CDHR4: variants seen among roughly 807,000 people sequenced by gnomAD.
CDHR4 encodes cadherin-related family member 4.
In CDHR4, 89 loss-of-function variants were observed where a neutral mutation model predicts 88.4. The observed-to-expected ratio is 1.01, with a 90% CI of 0.85 to 1.20. The LOEUF (loss-of-function observed/expected upper bound fraction) is 1.20, where lower values mean the gene tolerates loss of function less well. CDHR4 is among the 50% of genes most tolerant of loss of function. The pLI is 0.00. For synonymous variants in CDHR4, 368 were observed against 399.2 expected (o/e 0.92, Z 0.93); for missense variants, 914 against 1,007.2 (o/e 0.91, Z 1.25).
intron 4 of CDHR4, chr3:49,798,532 G>A (rs2081307149): frequency 2.3e-6 from 1 of 427,342 alleles, no homozygotes; most frequent in Non-Finnish European, 4.1e-6. Context: ...AGCTTGCAGT[G>A]AGCCGAGATC....
chr3:49,798,011 G>A (rs1232390993), intron 4 of CDHR4, among the ~76,000 whole-genome samples: 1 of 149,054 alleles, frequency 6.7e-6, no homozygotes, highest in Non-Finnish European at 1.5e-5. Flanking sequence ...GGGTTCAAGC[G>A]ATGCTCCTGC....
In CDHR4 at chr3:49,791,720, C is replaced by T. The variant is rs1236274640; in HGVS notation, c.2277G>A (p.Met759Ile). The T allele has an allele frequency of 9.0e-6, 14 of 1,551,544 alleles. No homozygotes were observed. Among genetic ancestry groups the T allele is most frequent in the Admixed American group, 2.0e-5 (1 of 50,988 alleles). Residue 759 changes from methionine (M) to isoleucine (I), a missense_variant, in exon 17 of 19, where the codon ATG (methionine) becomes ATA (isoleucine). Transcript: ENST00000412678. The stretch of plus-strand genomic sequence containing the variant: ...AGATGGTGAGCTGACATACCAGACT[C>T]ATGACACTGCTGGGTGCCTGGGACA... ...MEMSQAPSSV[M>I]SLHFDGRAQD...
rs930292773 is a variant in CDHR4 at position 49,795,052 on chromosome 3, G to A, written c.1080C>T (p.Leu360=). 42 of 1,551,604 alleles carry A rather than the reference G, an allele frequency of 2.7e-5. No individual in the cohort carries two copies. Among genetic ancestry groups the A allele is most frequent in the Non-Finnish European group, 3.6e-5 (41 of 1,146,998 alleles). The part of the protein sequence containing the change: ...TAPVGTVLNT[L]TCEDPDSVGA... The stretch of plus-strand genomic sequence containing the variant: ...CAACAGAGTCCGGATCTTCGCAAGT[G>A]AGAGTATTCAGCACGGTGCCCACGG... The change falls in exon 9 of 19, where the codon CTC becomes CTT. Residue 360 remains leucine (L), a synonymous_variant. Coordinates refer to ENST00000412678, the MANE Select transcript of CDHR4 (RefSeq NM_001007540.4). The surrounding 1 kb of genome is among the most constrained non-coding windows in gnomAD (Gnocchi z 5.4).
chr3:49,799,930 TC>T, upstream of CDHR4: 1 of 969,008 alleles, frequency 1.0e-6, no homozygotes, highest in Non-Finnish European at 1.6e-6. Context: ...CTCCTGGGCC[TC>T]CCAGATTCTA....
chr3:49,793,977 G>C lies in CDHR4; in HGVS notation c.1309C>G (p.Pro437Ala). ...CAGGCTGGGGAGAACTCGTTGATGG[G>C]TGTCACCATCACCAGTACCGGCACC... ...TEVPVLVMVT[P>A]INEFSPACAP... Residue 437 changes from proline (P) to alanine (A), a missense_variant, in exon 11 of 19, where the codon CCC (proline) becomes GCC (alanine). Coordinates refer to ENST00000412678, the MANE Select transcript of CDHR4 (RefSeq NM_001007540.4). The C allele has an allele frequency of 1.3e-6, 2 of 1,551,680 alleles. No individual in the cohort carries two copies. The highest frequency in any genetic ancestry group is 1.7e-6 in the Non-Finnish European group (2 of 1,146,998).
At chr3:49,802,225 G>A (rs1030945650), upstream of CDHR4, among the ~76,000 whole-genome samples, 3 of 151,498 alleles carry the variant, frequency 2.0e-5, no homozygotes, top group African/African-American at 4.9e-5. Flanking sequence ...CCAGGCTGGA[G>A]TGCAGTGGCG....
chr3:49,792,338 C>T (rs1575341212), intron 15 of CDHR4, 130 bp downstream of exon 15: 3 of 1,158,292 alleles, frequency 2.6e-6, no homozygotes, highest in East Asian at 5.1e-5. Flanking sequence ...GGAGAGTAGC[C>T]CTCCTCAATA....
Position 49,795,668 on chromosome 3 carries a change from G to C in CDHR4, c.807C>G (p.Ile269Met). The change falls in exon 7 of 19, where the codon ATC (isoleucine) becomes ATG (methionine). Residue 269 changes from isoleucine to methionine, a missense_variant. Physicochemically the swap from Ile to Met is conservative, Grantham distance 10. Transcript: ENST00000412678. The surrounding 1 kb of genome is among the most constrained non-coding windows in gnomAD (Gnocchi z 5.4). ...QARGVDLRYE[I>M]LSPVPSPLFS... ...AGAGTGGGCTGGGCACCGGAGACAG[G>C]ATTTCATAGCGCAGGTCGACACCCC... 1.9e-6 allele frequency: 3 copies of C among 1,551,670 alleles called. No homozygotes were observed. Among genetic ancestry groups the C allele is most frequent in the Non-Finnish European group, 2.6e-6 (3 of 1,146,992 alleles).
chr3:49,794,763 G>A, intron 9 of CDHR4, 62 bp from the exon 10 acceptor site: 1 of 1,475,260 alleles, frequency 6.8e-7, no homozygotes, highest in Non-Finnish European at 9.2e-7. Flanking sequence ...GAGCCACACG[G>A]GGCTGCTGTA....
At position 49,795,082 on chromosome 3, in the gene CDHR4, A is replaced by G; in HGVS notation, c.1050T>C (p.Thr350=). The G allele has an allele frequency of 6.4e-7, 1 of 1,551,726 alleles. No individual in the cohort carries two copies. Among genetic ancestry groups the G allele is most frequent in the East Asian group, 2.4e-5 (1 of 40,926 alleles). The change falls in exon 9 of 19, where the codon ACT becomes ACC. Residue 350 remains threonine, a synonymous_variant. Transcript: ENST00000412678. This position sits in a 1 kb window ranked among gnomAD's most constrained non-coding sequence, Gnocchi z 5.4. The part of the protein sequence containing the change: ...PALLVSQIPE[T]APVGTVLNTL... ...TATTCAGCACGGTGCCCACGGGTGC[A>G]GTCTCCGGGATTTGGGACCTGAGAG...
rs1186861332 is a variant in CDHR4, at chr3:49,799,248, T to C, written c.239A>G (p.Lys80Arg). 2 of 1,613,424 alleles carry C rather than the reference T, an allele frequency of 1.2e-6. No individual in the cohort carries two copies. Among genetic ancestry groups the C allele is most frequent in the South Asian group, 1.1e-5 (1 of 91,008 alleles). Residue 80 changes from lysine (K) to arginine (R), a missense_variant and splice_region_variant, in exon 2 of 19, where the codon AAG becomes AGG. Coordinates refer to ENST00000412678, the MANE Select transcript of CDHR4 (RefSeq NM_001007540.4). ...LARWQGTYVG[K>R]LTLSSSAQLD... ...CCCCAGCTGTACACATGACCCTACCTTGCCCACATAGGTCCCTTGCCACCT... is the reference window on the plus strand; with the variant it reads ...CCCCAGCTGTACACATGACCCTACCCTGCCCACATAGGTCCCTTGCCACCT...
chr3:49,793,826 G>C lies in CDHR4; in HGVS notation c.1460C>G (p.Thr487Ser). The C allele has an allele frequency of 6.4e-7, 1 of 1,551,764 alleles. No homozygotes were observed. The highest frequency in any genetic ancestry group is 8.7e-7 in the Non-Finnish European group (1 of 1,146,994). The change falls in exon 11 of 19, where the codon ACC becomes AGC. Residue 487 changes from threonine to serine, a missense_variant. Coordinates refer to ENST00000412678, the MANE Select transcript of CDHR4 (RefSeq NM_001007540.4). ...IEYYTSGGPT[T>S]FAVDRLSGEV... is the part of the protein sequence containing the mutation. ...ACCGCTGAGACGGTCCACAGCAAAG[G>C]TGGTAGGACCACCAGAGGTGTAGTA...
Position 49,792,460 on chromosome 3 carries a change from A to T in CDHR4, c.2138+8T>A, listed in dbSNP as rs2081194057. On this transcript the variant is annotated splice_region_variant and intron_variant, in intron 15 of 18. Coordinates refer to ENST00000412678, the MANE Select transcript of CDHR4 (RefSeq NM_001007540.4). ...GGCAAGTAGGGAGCACAAGGATAGG[A>T]TCCCTACCCCTGGAGGAGCCTGCCA... 6.4e-7 allele frequency: 1 copy of T among 1,551,542 alleles called. No homozygotes were observed. The highest frequency in any genetic ancestry group is 8.7e-7 in the Non-Finnish European group (1 of 1,146,912).
intron 18 of CDHR4, 38 bp downstream of exon 18, chr3:49,791,403 G>A: frequency 6.5e-7 from 1 of 1,532,732 alleles, no homozygotes. Context: ...TGGGGTGAGG[G>A]CCCAGGCAGA....
chr3:49,791,544 G>A (rs1434480050), intron 17 of CDHR4, 76 bp from the exon 18 acceptor site: 2 of 1,519,752 alleles, frequency 1.3e-6, no homozygotes, highest in East Asian at 4.9e-5. Context: ...CCTGCCCCTA[G>A]GGGGCCAGAA....
intron 5 of CDHR4, among the ~76,000 whole-genome samples, chr3:49,796,343 C>G (rs2081270453): frequency 6.6e-6 from 1 of 152,070 alleles, no homozygotes; most frequent in Non-Finnish European, 1.5e-5. Flanking sequence ...CCAGACTGCA[C>G]TGACCATTTT....
Position 49,799,413 on chromosome 3 carries a change from A to G in CDHR4, c.74T>C (p.Ile25Thr). Residue 25 changes from isoleucine to threonine, a missense_variant, in exon 2 of 19, where the codon ATA becomes ACA. Ile to Thr is a moderately conservative substitution (Grantham distance 89). Transcript: ENST00000412678. ...VSDLCSLPCF[I>T]NVSESQGPGT... Reference sequence around the variant, plus strand: ...AGGGCCCTGGCTCTCAGAGACATTTATAAAGCAGGGCAGGCTGCAGAGGTC... The same window carrying G: ...AGGGCCCTGGCTCTCAGAGACATTTGTAAAGCAGGGCAGGCTGCAGAGGTC... The G allele has an allele frequency of 6.2e-7, 1 of 1,605,122 alleles. No homozygotes were observed. The highest frequency in any genetic ancestry group is 8.5e-7 in the Non-Finnish European group (1 of 1,176,018).
At position 49,795,722 on chromosome 3, in the gene CDHR4, G is replaced by C. The variant is rs760053006; in HGVS notation, c.753C>G (p.Pro251=). 15 of 1,551,514 alleles carry C rather than the reference G, an allele frequency of 9.7e-6. No homozygotes were observed. The highest frequency in any genetic ancestry group is 1.2e-5 in the South Asian group (1 of 84,064). ...QNITIPENLA[P]GSEVVQVQAR... is the part of the protein sequence containing the mutation. ...CCTGGACCTGAACCACCTCACTACC[G>C]GGGGCCAGATTCTCAGGGATGGTGA... The change falls in exon 7 of 19, where the codon CCC becomes CCG. Residue 251 remains proline (P), a synonymous_variant. Transcript: ENST00000412678. The surrounding 1 kb of genome is among the most constrained non-coding windows in gnomAD (Gnocchi z 5.4).
chr3:49,794,410 A>C (rs2081234786), intron 10 of CDHR4, among the ~76,000 whole-genome samples, 198 bp downstream of exon 10: 1 of 151,532 alleles, frequency 6.6e-6, no homozygotes, highest in East Asian at 1.9e-4. Flanking sequence ...AAAAAAAAAA[A>C]GAGAGTGAGA....
Sources: gnomAD v4.1 joint callset for allele counts (sites outside exome capture counted in the v4.1 genomes callset) on GRCh38, gnomAD v4.1.1 for gene constraint, Gnocchi (gnomAD v3.1) non-coding constraint, MANE v1.5 for transcripts, NCBI Gene and HGNC (gene_info 2026-07-23, HGNC 2026-07-21) for gene names.